PTPRT: variants seen among roughly 807,000 people sequenced by gnomAD.
The protein encoded by PTPRT is protein tyrosine phosphatase receptor type T, also known as receptor-type tyrosine-protein phosphatase T.
PTPRT carries 56 observed loss-of-function variants against 176.8 expected under a neutral mutation model. The observed-to-expected ratio is 0.32, with a 90% CI of 0.26 to 0.40. The LOEUF (loss-of-function observed/expected upper bound fraction) is 0.40. Ranked by LOEUF, PTPRT falls within the 10% of genes least tolerant of loss-of-function variation. The pLI is 1.00. For missense variants in PTPRT, 1,540 were observed against 1,908.2 expected, an observed-to-expected ratio of 0.81 and a Z score of 3.60; for synonymous variants, 783 against 739.0, an observed-to-expected ratio of 1.06 and a Z score of -0.96.
chr20:42,678,131 C>T lies in PTPRT; in HGVS notation c.888G>A (p.Glu296=), dbSNP rs748913238. 1.2e-5 allele frequency: 19 copies of T among 1,613,814 alleles called. No individual in the cohort carries two copies. The highest frequency in any genetic ancestry group is 1.6e-5 in the Non-Finnish European group (19 of 1,179,928). The change falls in exon 7 of 31, where the codon GAG becomes GAA. Residue 296 remains glutamate, a synonymous_variant. Transcript: ENST00000373187. The stretch of plus-strand genomic sequence containing the variant: ...GGTATGTGGCCCCCACAGCCAGCAG[C>T]TCTGGGGGAGCAATGGGCGTGGGAG... ...KEPPTPIAPP[E]LLAVGATYLW... is the part of the protein sequence containing the mutation.
chr20:42,867,701 T>G (rs2078771759), intron 2 of PTPRT, among the ~76,000 whole-genome samples: 3 of 115,344 alleles, frequency 2.6e-5, no homozygotes, highest in South Asian at 2.6e-4. Context: ...TTTTTTTTTT[T>G]GTGACAGAGT....
intron 1 of PTPRT, among the ~76,000 whole-genome samples, chr20:42,933,073 A>T (rs1335756959): frequency 6.6e-6 from 1 of 152,050 alleles, no homozygotes; most frequent in Non-Finnish European, 1.5e-5. Context: ...CTAATCTTTA[A>T]TCTGGCCCTC....
intron 17 of PTPRT, among the ~76,000 whole-genome samples, chr20:42,154,263 A>G (rs1463122331): frequency 6.6e-6 from 1 of 152,170 alleles, no homozygotes; most frequent in African/African-American, 2.4e-5. Context: ...ACTGAGGAGA[A>G]CAAACCTTGT....
At position 42,483,829 on chromosome 20, in the gene PTPRT, T is replaced by C. The variant is rs1013919925; in HGVS notation, c.1154-11267A>G. Among the ~76,000 whole-genome samples the C allele has an allele frequency of 4.6e-5, 7 of 152,240 alleles. No homozygotes were observed. The East Asian group carries it at 1.2e-3, about 25-fold the overall frequency. On this transcript the variant is annotated intron_variant, in intron 7 of 30. Transcript: ENST00000373187. ...GTATCTTGCTTTACGGTGCTAAGGC[T>C]AGGATGGCACAAATCACATGTGCTC...
At chr20:43,150,282 A>T (rs1427075730) in intron 1 of PTPRT, among the ~76,000 whole-genome samples, 1 of 152,142 alleles carries the variant, frequency 6.6e-6, no homozygotes, top group Non-Finnish European at 1.5e-5. Flanking sequence ...TGAGACAAAA[A>T]ATAAATAACA....
chr20:42,543,512 A>G (rs2072620037), intron 7 of PTPRT, among the ~76,000 whole-genome samples: 1 of 152,108 alleles, frequency 6.6e-6, no homozygotes, highest in African/African-American at 2.4e-5. Context: ...GACTTCTTCC[A>G]TTGAAGTCTT....
intron 8 of PTPRT, among the ~76,000 whole-genome samples, chr20:42,459,982 G>A (rs966729131): frequency 6.6e-6 from 1 of 152,198 alleles, no homozygotes; most frequent in Non-Finnish European, 1.5e-5. Flanking sequence ...AGAAGTCAAG[G>A]TTTTTGGCTC....
intron 1 of PTPRT, among the ~76,000 whole-genome samples, chr20:43,040,365 A>C (rs2425548): frequency 0.41 from 62,966 of 151,910 alleles, 16,608 homozygotes; most frequent in African/African-American, 0.75. Flanking sequence ...AAGATATATA[A>C]CTCACACAGC....
chr20:42,208,303 A>C (rs2055526460), intron 15 of PTPRT, among the ~76,000 whole-genome samples: 1 of 149,318 alleles, frequency 6.7e-6, no homozygotes, highest in Admixed American at 6.7e-5. Flanking sequence ...TATTAACTTT[A>C]AATGTAAATG....
the PTPRT span, among the ~76,000 whole-genome samples, chr20:42,044,473 C>T: frequency 1.3e-5 from 2 of 152,348 alleles, no homozygotes; most frequent in African/African-American, 2.4e-5. Flanking sequence ...GAGCCTGGCA[C>T]AAGGCCTGGT....
chr20:42,662,881 T>C (rs2075248889), intron 7 of PTPRT, among the ~76,000 whole-genome samples: 3 of 152,172 alleles, frequency 2.0e-5, no homozygotes, highest in Admixed American at 6.5e-5. Context: ...ATAACAATCA[T>C]TCACATTCAC....
intron 7 of PTPRT, among the ~76,000 whole-genome samples, chr20:42,575,735 C>T (rs1568989200): frequency 6.6e-6 from 1 of 152,088 alleles, no homozygotes; most frequent in Non-Finnish European, 1.5e-5. Flanking sequence ...GCTTGCCAAC[C>T]CCTGATGTAA....
intron 13 of PTPRT, among the ~76,000 whole-genome samples, chr20:42,282,251 C>T (rs1456198232): frequency 6.6e-6 from 1 of 152,162 alleles, no homozygotes; most frequent in Non-Finnish European, 1.5e-5. Flanking sequence ...TCCTTTTACA[C>T]CATTCATCCA....
intron 2 of PTPRT, among the ~76,000 whole-genome samples, chr20:42,824,477 C>T (rs1434917693): frequency 6.6e-6 from 1 of 151,992 alleles, no homozygotes. Context: ...TATGAGAATG[C>T]ATTTGATGAG....
At chr20:42,512,761 A>G (rs1233609104) in intron 7 of PTPRT, among the ~76,000 whole-genome samples, 1 of 152,134 alleles carries the variant, frequency 6.6e-6, no homozygotes, top group East Asian at 1.9e-4. Context: ...GCATCCTACC[A>G]ATCATTTTGG....
chr20:42,864,172 C>T (rs1410590508), intron 2 of PTPRT, among the ~76,000 whole-genome samples: 2 of 152,208 alleles, frequency 1.3e-5, no homozygotes, highest in Non-Finnish European at 2.9e-5. Flanking sequence ...AAGGTCTGGC[C>T]ACTCCAGGGC....
chr20:42,824,914 T>C (rs2077966317), intron 2 of PTPRT, among the ~76,000 whole-genome samples: 1 of 151,940 alleles, frequency 6.6e-6, no homozygotes, highest in African/African-American at 2.4e-5. Flanking sequence ...ATAATATACA[T>C]ATATGGAAAA....
chr20:42,149,232 C>T (rs1237098151), intron 17 of PTPRT, among the ~76,000 whole-genome samples: 5 of 152,060 alleles, frequency 3.3e-5, no homozygotes, highest in African/African-American at 1.2e-4. Context: ...AGTGCGGAGG[C>T]CCTGGGATGG....
At chr20:42,646,268 G>A (rs1224951408) in intron 7 of PTPRT, among the ~76,000 whole-genome samples, 1 of 152,166 alleles carries the variant, frequency 6.6e-6, no homozygotes, top group African/African-American at 2.4e-5. Flanking sequence ...CTGGCAGAAT[G>A]TATGTGGAAG....
Sources: gnomAD v4.1 joint callset for allele counts (sites outside exome capture counted in the v4.1 genomes callset) on GRCh38, gnomAD v4.1.1 for gene constraint, MANE v1.5 for transcripts, NCBI Gene and HGNC (gene_info 2026-07-23, HGNC 2026-07-21) for gene names.